TP53BP2: variants seen among roughly 807,000 people sequenced by gnomAD.
TP53BP2 encodes tumor protein p53 binding protein 2, also known as apoptosis-stimulating of p53 protein 2.
A neutral mutation model predicts 126.2 loss-of-function variants in TP53BP2; 62 were observed. That is an observed-to-expected ratio of 0.49 (90% CI 0.40 to 0.61). The LOEUF (loss-of-function observed/expected upper bound fraction) is 0.61. TP53BP2 is among the 20% of genes least tolerant of loss of function. The pLI is 0.00. For synonymous variants in TP53BP2, 485 were observed against 502.9 expected (o/e 0.96, Z 0.48); for missense variants, 1,215 against 1,402.8 (o/e 0.87, Z 2.14).
chr1:223,810,447 C>A lies in TP53BP2; in HGVS notation c.356G>T (p.Arg119Leu). 6.2e-7 allele frequency: 1 copy of A among 1,609,420 alleles called. No homozygotes were observed. The highest frequency in any genetic ancestry group is 8.5e-7 in the Non-Finnish European group (1 of 1,177,646). Residue 119 changes from arginine (R) to leucine (L), a missense_variant, in exon 4 of 18, where the codon CGA becomes CTA. Physicochemically the swap from Arg to Leu is moderately radical, Grantham distance 102 (BLOSUM62 -2). This residue lies in a region of TP53BP2 where 814 missense variants were observed against 853.0 expected (regional missense o/e 0.95). Coordinates refer to ENST00000343537, the MANE Select transcript of TP53BP2 (RefSeq NM_001031685.3). ...RNGVKVPGEY[R>L]RKENGVNSPR... is the part of the protein sequence containing the mutation. The stretch of plus-strand genomic sequence containing the variant: ...ACAACTTACACCGTTCTCCTTTCTT[C>A]GATATTCACCAGGAACTTTTACACC...
chr1:223,798,483 C>G lies in TP53BP2; in HGVS notation c.1680G>C (p.Leu560=). Reference sequence around the variant, plus strand: ...CAACCGAAGGTATGCTGGGAGATAGCAGCACTCTCGGCTGCTGCCCTGCTG... The same window carrying G: ...CAACCGAAGGTATGCTGGGAGATAGGAGCACTCTCGGCTGCTGCCCTGCTG... ...PKPAGQQPRV[L]LSPSIPSVGQ... The change falls in exon 12 of 18, where the codon CTG becomes CTC. Residue 560 remains leucine (L), a synonymous_variant. Coordinates refer to ENST00000343537, the MANE Select transcript of TP53BP2 (RefSeq NM_001031685.3). The G allele has an allele frequency of 1.2e-6, 2 of 1,614,148 alleles. No homozygotes were observed. The highest frequency in any genetic ancestry group is 1.7e-6 in the Non-Finnish European group (2 of 1,180,010).
rs1368210635 is a variant in TP53BP2, at chr1:223,802,848, CTGT to C, written c.876_878del (p.Gln293del). 3 of 1,614,190 alleles carry C rather than the reference CTGT, an allele frequency of 1.9e-6. No homozygotes were observed. Among genetic ancestry groups the C allele is most frequent in the South Asian group, 1.1e-5 (1 of 91,088 alleles). ...AATTACGCTTATTCAAACACTCCCT[CTGT>C]TGTTGTAGCTTGGCATTCTGCTCTT... On this transcript the variant is annotated inframe_deletion, in exon 8 of 18. Coordinates refer to ENST00000343537, the MANE Select transcript of TP53BP2 (RefSeq NM_001031685.3).
intron 10 of TP53BP2, 53 bp from the exon 11 acceptor site, chr1:223,800,100 C>T: frequency 6.6e-7 from 1 of 1,512,002 alleles, no homozygotes; most frequent in Non-Finnish European, 8.9e-7. Context: ...TAAAGTATCT[C>T]ATTCACTCGT....
At chr1:223,831,496 T>A (rs1334277258) in intron 1 of TP53BP2, among the ~76,000 whole-genome samples, 1,467 of 114,076 alleles carry the variant, frequency 0.013, 93 homozygotes, top group African/African-American at 0.068. Flanking sequence ...TATATATATA[T>A]ATATATATAT....
At chr1:223,820,306 A>G (rs1053119054) in intron 2 of TP53BP2, among the ~76,000 whole-genome samples, 13 of 152,260 alleles carry the variant, frequency 8.5e-5, no homozygotes, top group African/African-American at 2.9e-4. Flanking sequence ...ACAACCTAAT[A>G]TTAAAAGTTT....
chr1:223,816,650 AATATT>A (rs1404612757), intron 2 of TP53BP2, among the ~76,000 whole-genome samples: 1 of 152,202 alleles, frequency 6.6e-6, no homozygotes, highest in African/African-American at 2.4e-5. Context: ...TAAAAGTTAA[AATATT>A]ATAACTTGAT....
chr1:223,845,554 C>T, intron 1 of TP53BP2, 100 bp downstream of exon 1: 1 of 1,317,208 alleles, frequency 7.6e-7, no homozygotes, highest in Non-Finnish European at 9.9e-7. Flanking sequence ...GGCTGCGGCC[C>T]CCAGGCTCCT....
chr1:223,826,637 A>G (rs1043379992), intron 1 of TP53BP2, among the ~76,000 whole-genome samples: 1 of 152,246 alleles, frequency 6.6e-6, no homozygotes, highest in Non-Finnish European at 1.5e-5. Context: ...TTGTGAATAC[A>G]TTAAATACCA....
chr1:223,799,962 G>A lies in TP53BP2; in HGVS notation c.1422C>T (p.Ala474=). ...TCCTCAGAGTACCAAAGGAAGGTGG[G>A]GCATTGGACTGGTCTACTGCATCAA... The part of the protein sequence containing the change: ...SMFDAVDQSN[A]PPSFGTLRKN... Residue 474 remains alanine, a synonymous_variant, in exon 11 of 18, where the codon GCC becomes GCT. Transcript: ENST00000343537. 1 of 1,612,884 alleles carries A rather than the reference G, an allele frequency of 6.2e-7. No homozygotes were observed. Among genetic ancestry groups the A allele is most frequent in the Non-Finnish European group, 8.5e-7 (1 of 1,179,562 alleles).
intron 3 of TP53BP2, among the ~76,000 whole-genome samples, chr1:223,812,714 C>G (rs1319643753): frequency 6.6e-6 from 1 of 152,204 alleles, no homozygotes; most frequent in Non-Finnish European, 1.5e-5. Context: ...CACATGCCAC[C>G]ATGCCCAGCT....
chr1:223,802,389 G>GACTTA, intron 8 of TP53BP2, 45 bp from the exon 9 acceptor site: 2 of 1,549,526 alleles, frequency 1.3e-6, no homozygotes, highest in Non-Finnish European at 1.8e-6. Context: ...AATCATCTCA[G>GACTTA]GTGATCAGAC....
Position 223,845,605 on chromosome 1 carries a change from C to A in TP53BP2, c.27+49G>T, listed in dbSNP as rs549415721. The A allele has an allele frequency of 2.8e-5, 42 of 1,520,180 alleles. No individual in the cohort carries two copies. The Admixed American group carries it at 6.1e-4, about 22-fold the overall frequency. The allele number at this position is 1,520,180 out of a possible 1,614,324, so 94.2% of individuals were successfully genotyped here. A position where few individuals can be genotyped will look rare whatever the true frequency, so the allele number is the denominator to read the frequency against. ...AGGGCGCGGACCAGCCCCCGGCACG[C>A]GACCCCGCACACTTCCGGGCCCGAC... On this transcript the variant is annotated intron_variant, in intron 1 of 17. Coordinates refer to ENST00000343537, the MANE Select transcript of TP53BP2 (RefSeq NM_001031685.3).
chr1:223,786,977 A>G (rs995902350), intron 16 of TP53BP2, among the ~76,000 whole-genome samples: 35 of 147,840 alleles, frequency 2.4e-4, no homozygotes, highest in Middle Eastern at 3.8e-3. Flanking sequence ...GCTCACTGCA[A>G]CCTCCGCCTC....
At chr1:223,820,396 C>G (rs932181757) in intron 2 of TP53BP2, among the ~76,000 whole-genome samples, 2 of 152,148 alleles carry the variant, frequency 1.3e-5, no homozygotes, top group African/African-American at 2.4e-5. Context: ...TTCAAAAGAT[C>G]CCTTGGGCTT....
At chr1:223,800,585 TA>T (rs1253414295) in intron 10 of TP53BP2, 114 bp downstream of exon 10, 46 of 735,408 alleles carry the variant, frequency 6.3e-5, no homozygotes, top group Non-Finnish European at 7.6e-5. Flanking sequence ...ATCCTGTCTT[TA>T]AAAAAAACAA....
At chr1:223,820,999 G>A in intron 2 of TP53BP2, 2 of 597,238 alleles carry the variant, frequency 3.3e-6, no homozygotes, top group Non-Finnish European at 5.9e-6. Flanking sequence ...ATGACCTTTT[G>A]TATTTTATAT....
intron 1 of TP53BP2, among the ~76,000 whole-genome samples, chr1:223,837,442 T>A (rs906729332): frequency 6.6e-6 from 1 of 151,828 alleles, no homozygotes; most frequent in South Asian, 2.1e-4. Flanking sequence ...GATACAGGAG[T>A]GATCTTCCAC....
chr1:223,818,973 AG>A (rs1312664935), intron 2 of TP53BP2, among the ~76,000 whole-genome samples: 2 of 151,446 alleles, frequency 1.3e-5, no homozygotes, highest in Non-Finnish European at 2.9e-5. Flanking sequence ...CACCTGAGAT[AG>A]GGAGTTCGAG....
At chr1:223,822,364 A>G (rs1489939107) in intron 1 of TP53BP2, among the ~76,000 whole-genome samples, 1 of 152,216 alleles carries the variant, frequency 6.6e-6, no homozygotes, top group African/African-American at 2.4e-5. Flanking sequence ...CAGAAGGTTT[A>G]CATTTAAAAC....
Sources: allele counts gnomAD v4.1 joint callset (sites outside exome capture counted in the v4.1 genomes callset), GRCh38; gene constraint gnomAD v4.1.1; regional missense constraint gnomAD v4.1.1; transcripts MANE v1.5; gene names NCBI Gene and HGNC (gene_info 2026-07-23, HGNC 2026-07-21).